The following HPSE2 variants were observed in gnomAD, a reference collection of about 807,000 sequenced individuals.
The protein encoded by HPSE2 is inactive heparanase-2.
HPSE2 carries 38 observed loss-of-function variants against 60.5 expected under a neutral mutation model. The observed-to-expected ratio is 0.63, with a 90% CI of 0.48 to 0.82. The LOEUF (loss-of-function observed/expected upper bound fraction) is 0.82, where lower values mean the gene tolerates loss of function less well. Ranked by LOEUF, HPSE2 falls within the 40% of genes least tolerant of loss-of-function variation. The pLI is 0.00. For missense variants in HPSE2, 713 were observed against 740.4 expected, an observed-to-expected ratio of 0.96 and a Z score of 0.43; for synonymous variants, 295 against 293.2, an observed-to-expected ratio of 1.01 and a Z score of -0.06.
the HPSE2 span, among the ~76,000 whole-genome samples, chr10:99,305,963 G>GCA: frequency 7.5e-5 from 3 of 39,990 alleles, no homozygotes; most frequent in Non-Finnish European, 1.9e-4. Flanking sequence ...TCACACACAC[G>GCA]CGCGCGCGCG....
At chr10:98,721,325 A>AT (rs962497996) in intron 5 of HPSE2, among the ~76,000 whole-genome samples, 8 of 151,426 alleles carry the variant, frequency 5.3e-5, no homozygotes, top group Non-Finnish European at 8.8e-5. Flanking sequence ...GTATAGAGTA[A>AT]TTTTTTTTTG....
rs368857672 is a variant in HPSE2, at chr10:98,490,093, C to G, written c.1424G>C (p.Arg475Pro). ...GTGAGCATAAATCCTTAGTTTGTCC[C>G]GGATCACTCGGCCAGGCCGTGGCTT... ...QRKPRPGRVI[R>P]DKLRIYAHCT... Residue 475 changes from arginine (R) to proline (P), a missense_variant, in exon 10 of 12, where the codon CGG (arginine) becomes CCG (proline). By Grantham distance (103) the Arg-to-Pro change is moderately radical. Transcript: ENST00000370552. 1.2e-6 allele frequency: 2 copies of G among 1,614,170 alleles called. No homozygotes were observed. The highest frequency in any genetic ancestry group is 8.5e-7 in the Non-Finnish European group (1 of 1,180,036).
chr10:99,181,471 G>A (rs977108684), intron 2 of HPSE2, among the ~76,000 whole-genome samples: 1 of 150,934 alleles, frequency 6.6e-6, no homozygotes, highest in Non-Finnish European at 1.5e-5. Context: ...GCAAAGACTT[G>A]GAACCAACCA....
intron 3 of HPSE2, among the ~76,000 whole-genome samples, chr10:99,001,018 G>C (rs1441037610): frequency 6.6e-6 from 1 of 152,010 alleles, no homozygotes; most frequent in Non-Finnish European, 1.5e-5. Flanking sequence ...TTATTAAATA[G>C]CTGAACTGTA....
In HPSE2 at chr10:98,675,811, C is replaced by T. The variant is rs541945446; in HGVS notation, c.1004+18089G>A. ...GAACTTTGCTGAGGTGGGAGGATTG[C>T]GTGAGCCCAGGAGTTTGAGAACAGC... On this transcript the variant is annotated intron_variant, in intron 6 of 11. Transcript: ENST00000370552. 7.9e-5 allele frequency among the ~76,000 whole-genome samples: 12 copies of T among 152,172 alleles called. No homozygotes were observed. The East Asian group carries it at 9.7e-4, about 12-fold the overall frequency.
At position 98,982,371 on chromosome 10, in the gene HPSE2, G is replaced by A. The variant is rs371452471; in HGVS notation, c.610+161867C>T. Among the ~76,000 whole-genome samples the A allele has an allele frequency of 6.6e-5, 10 of 152,280 alleles. No homozygotes were observed. The East Asian group carries it at 1.5e-3, about 23-fold the overall frequency. ...CACAATAAAACAGATGGAAGATCTA[G>A]GGGTAACAGAAAGCTTTATAAAGAA... On this transcript the variant is annotated intron_variant, in intron 3 of 11. Transcript: ENST00000370552.
At chr10:99,060,609 G>C (rs915537701) in intron 3 of HPSE2, among the ~76,000 whole-genome samples, 2 of 136,238 alleles carry the variant, frequency 1.5e-5, no homozygotes, top group Admixed American at 1.6e-4. Flanking sequence ...GGTAAGCTGA[G>C]ATTGGGCCAT....
chr10:98,975,222 T>C (rs960731386), intron 3 of HPSE2, among the ~76,000 whole-genome samples: 2 of 152,212 alleles, frequency 1.3e-5, no homozygotes, highest in Non-Finnish European at 2.9e-5. Context: ...TTGAAATATC[T>C]GGCTGAATCA....
rs1940098430 is a variant in HPSE2 at position 98,457,484 on chromosome 10, C to T, written c.*2090G>A. The T allele has an allele frequency of 6.6e-6, 1 of 152,230 alleles. No homozygotes were observed. Among genetic ancestry groups the T allele is most frequent in the South Asian group, 2.1e-4 (1 of 4,826 alleles). 9.4% of individuals were successfully genotyped at this position (152,230 alleles called of 1,614,324 possible). The stretch of plus-strand genomic sequence containing the variant: ...GGGGTTACTAAGGACGCAAAGCAAA[C>T]CATAGGTCCCCAGGGCCAGGCTCTT... On this transcript the variant is annotated 3_prime_UTR_variant, in exon 12 of 12. Coordinates refer to ENST00000370552, the MANE Select transcript of HPSE2 (RefSeq NM_021828.5).
intron 3 of HPSE2, among the ~76,000 whole-genome samples, chr10:99,114,896 C>T (rs1348594070): frequency 3.7e-5 from 5 of 136,728 alleles, no homozygotes; most frequent in African/African-American, 8.3e-5. Flanking sequence ...CCTGAGACTC[C>T]GTCTCAAAAA....
At chr10:98,624,101 C>G (rs1946143373) in intron 7 of HPSE2, among the ~76,000 whole-genome samples, 1 of 152,050 alleles carries the variant, frequency 6.6e-6, no homozygotes, top group African/African-American at 2.4e-5. Flanking sequence ...AGTGGTGGGT[C>G]TATAGCAATG....
intron 3 of HPSE2, among the ~76,000 whole-genome samples, chr10:98,940,204 C>A (rs35461703): frequency 7.0e-6 from 1 of 141,854 alleles, no homozygotes; most frequent in Non-Finnish European, 1.5e-5. Context: ...CATTCAAAAG[C>A]TAGTAGAAGG....
At chr10:98,917,892 C>A (rs1954166713) in intron 3 of HPSE2, among the ~76,000 whole-genome samples, 1 of 152,180 alleles carries the variant, frequency 6.6e-6, no homozygotes, top group Non-Finnish European at 1.5e-5. Flanking sequence ...AGCCAGCATA[C>A]ATCATTACAG....
intron 9 of HPSE2, among the ~76,000 whole-genome samples, chr10:98,517,140 G>T (rs1202091953): frequency 2.1e-5 from 3 of 144,500 alleles, no homozygotes; most frequent in African/African-American, 7.5e-5. Flanking sequence ...CCAGAGCAGG[G>T]CTTTCATCCT....
chr10:99,066,133 A>G (rs2135535393), intron 3 of HPSE2, among the ~76,000 whole-genome samples: 1 of 152,366 alleles, frequency 6.6e-6, no homozygotes, highest in South Asian at 2.1e-4. Context: ...TTGGCAGGGC[A>G]GTAAATACTC....
At chr10:98,718,740 G>A (rs571110672) in intron 5 of HPSE2, among the ~76,000 whole-genome samples, 1 of 152,076 alleles carries the variant, frequency 6.6e-6, no homozygotes, top group African/African-American at 2.4e-5. Context: ...ATGAAAAAGT[G>A]GACCTCACGG....
chr10:98,482,928 A>G, intron 10 of HPSE2, 146 bp from the exon 11 acceptor site: 2 of 751,472 alleles, frequency 2.7e-6, no homozygotes, highest in Non-Finnish European at 4.4e-6. Context: ...AAAAGAAAGG[A>G]AGGCCTTGTT....
chr10:98,599,999 C>T (rs1271738278), intron 9 of HPSE2, among the ~76,000 whole-genome samples: 1 of 152,142 alleles, frequency 6.6e-6, no homozygotes, highest in South Asian at 2.1e-4. Flanking sequence ...GAATCTGAGC[C>T]GCTAACTAAT....
chr10:99,121,804 G>T (rs1844964204), intron 3 of HPSE2, among the ~76,000 whole-genome samples: 1 of 152,076 alleles, frequency 6.6e-6, no homozygotes, highest in South Asian at 2.1e-4. Context: ...TCTAGGAATT[G>T]TGCAAAAATA....
Sources: allele counts gnomAD v4.1 joint callset (sites outside exome capture counted in the v4.1 genomes callset), GRCh38; gene constraint gnomAD v4.1.1; transcripts MANE v1.5; gene names NCBI Gene and HGNC (gene_info 2026-07-23, HGNC 2026-07-21).